Variants in RASEF observed in about 807,000 individuals in gnomAD.
The protein encoded by RASEF is ras and EF-hand domain-containing protein.
Under a neutral mutation model 90.1 loss-of-function variants are expected in RASEF, and 68 were observed. The ratio of observed to expected loss-of-function variants is 0.75; its 90% CI spans 0.62 to 0.92. The LOEUF (loss-of-function observed/expected upper bound fraction) is 0.92. Among genes scored for constraint, RASEF ranks in the 40% least tolerant of loss-of-function variants. RASEF has a pLI of 0.00. For missense variants in RASEF, 949 were observed against 937.2 expected (o/e 1.01, Z -0.16); for synonymous variants, 331 against 345.2 (o/e 0.96, Z 0.46).
intron 9 of RASEF, among the ~76,000 whole-genome samples, chr9:83,001,827 G>A (rs375829708): frequency 2.0e-5 from 3 of 152,312 alleles, no homozygotes; most frequent in South Asian, 2.1e-4. Flanking sequence ...TGACTGGAAT[G>A]TATGATTTGA....
At chr9:83,100,801 C>G in the RASEF span, among the ~76,000 whole-genome samples, 1 of 152,090 alleles carries the variant, frequency 6.6e-6, no homozygotes, top group Non-Finnish European at 1.5e-5. Context: ...TAACAAGTGC[C>G]CTGTACAGTT....
chr9:83,212,298 G>A, the RASEF span, among the ~76,000 whole-genome samples: 1 of 152,086 alleles, frequency 6.6e-6, no homozygotes, highest in Admixed American at 6.5e-5. Context: ...TTAACTCTTG[G>A]ATATATTACC....
intron 16 of RASEF, among the ~76,000 whole-genome samples, chr9:82,985,839 G>A (rs1238336294): frequency 6.6e-6 from 1 of 152,096 alleles, no homozygotes; most frequent in African/African-American, 2.4e-5. Context: ...CTGACTCCAG[G>A]TGACTATTGT....
the RASEF span, among the ~76,000 whole-genome samples, chr9:83,191,778 A>G: frequency 6.6e-6 from 1 of 152,220 alleles, no homozygotes; most frequent in Non-Finnish European, 1.5e-5. Context: ...TGTTTTGTTT[A>G]CAGTGACTTG....
At chr9:83,197,252 A>G in the RASEF span, among the ~76,000 whole-genome samples, 1 of 152,172 alleles carries the variant, frequency 6.6e-6, no homozygotes, top group Admixed American at 6.5e-5. Flanking sequence ...ATCCCTCATC[A>G]CACAGAGCTT....
the RASEF span, among the ~76,000 whole-genome samples, chr9:83,156,500 A>T: frequency 6.6e-6 from 1 of 151,792 alleles, no homozygotes; most frequent in Non-Finnish European, 1.5e-5. Context: ...TCCTAATTAC[A>T]CTCACTCCCT....
chr9:83,146,742 T>G, the RASEF span, among the ~76,000 whole-genome samples: 1 of 152,118 alleles, frequency 6.6e-6, no homozygotes, highest in Non-Finnish European at 1.5e-5. Context: ...TCAGGAACAT[T>G]TCCCACCATT....
At chr9:83,084,905 T>C in the RASEF span, among the ~76,000 whole-genome samples, 5 of 152,230 alleles carry the variant, frequency 3.3e-5, no homozygotes, top group African/African-American at 9.6e-5. Flanking sequence ...CATCTCATCA[T>C]AATTGTTTTG....
intron 1 of RASEF, chr9:83,055,648 A>G (rs1159648302): frequency 1.4e-6 from 1 of 718,006 alleles, no homozygotes; most frequent in African/African-American, 1.7e-5. Flanking sequence ...ATGCCTCACG[A>G]ACACAAATGC....
the RASEF span, among the ~76,000 whole-genome samples, chr9:83,128,970 C>T: frequency 1.4e-4 from 21 of 152,326 alleles, no homozygotes; most frequent in African/African-American, 4.1e-4. Flanking sequence ...GAGCATGATG[C>T]ATATAGATAT....
the RASEF span, among the ~76,000 whole-genome samples, chr9:83,188,686 C>T: frequency 5.3e-5 from 8 of 152,188 alleles, no homozygotes; most frequent in African/African-American, 1.9e-4. Flanking sequence ...AGACCAGGAT[C>T]TCTTTTCCTC....
chr9:83,163,996 GA>G, the RASEF span, among the ~76,000 whole-genome samples: 126 of 140,722 alleles, frequency 9.0e-4, 1 homozygote, highest in Admixed American at 1.5e-3. Flanking sequence ...TACTTGAGAG[GA>G]AAAAAAAAAA....
the RASEF span, among the ~76,000 whole-genome samples, chr9:83,152,055 A>C: frequency 3.9e-3 from 595 of 152,230 alleles, 3 homozygotes; most frequent in Admixed American, 7.7e-3. Context: ...TCCCCCAGTA[A>C]GACTATGATC....
chr9:83,088,364 AGATAGATG>A, the RASEF span, among the ~76,000 whole-genome samples: 405 of 121,650 alleles, frequency 3.3e-3, 2 homozygotes, highest in African/African-American at 0.012. Flanking sequence ...ACAGAGATAT[AGATAGATG>A]GATAGATAGA....
the RASEF span, among the ~76,000 whole-genome samples, chr9:83,179,991 A>G: frequency 6.6e-6 from 1 of 152,214 alleles, no homozygotes; most frequent in Non-Finnish European, 1.5e-5. Flanking sequence ...TCAGAAAATG[A>G]AGCAGATAAA....
At chr9:83,166,262 C>A in the RASEF span, among the ~76,000 whole-genome samples, 1,393 of 152,210 alleles carry the variant, frequency 9.2e-3, 25 homozygotes, top group African/African-American at 0.032. Flanking sequence ...AAGTCCCCGA[C>A]AAAATATCAC....
chr9:83,111,313 A>T, the RASEF span, among the ~76,000 whole-genome samples: 56 of 152,310 alleles, frequency 3.7e-4, no homozygotes, highest in African/African-American at 1.2e-3. Flanking sequence ...AAATAAATAC[A>T]AGAGAGTAGA....
chr9:83,012,845 T>G (rs766338670), intron 4 of RASEF, among the ~76,000 whole-genome samples: 2 of 152,264 alleles, frequency 1.3e-5, no homozygotes, highest in Non-Finnish European at 2.9e-5. Flanking sequence ...TTTATTCTCC[T>G]TCGTATTATC....
intron 1 of RASEF, among the ~76,000 whole-genome samples, chr9:83,028,755 CACA>C (rs1829589798): frequency 6.6e-6 from 1 of 152,190 alleles, no homozygotes; most frequent in Non-Finnish European, 1.5e-5. Flanking sequence ...AAATGCTCAC[CACA>C]ACATCATGAA....
Sources: gnomAD v4.1 joint callset for allele counts (sites outside exome capture counted in the v4.1 genomes callset) on GRCh38, gnomAD v4.1.1 for gene constraint, MANE v1.5 for transcripts, NCBI Gene and HGNC (gene_info 2026-07-23, HGNC 2026-07-21) for gene names.